TNS3: variants seen among roughly 807,000 people sequenced by gnomAD.
The protein encoded by TNS3 is tensin-3.
In TNS3, 45 loss-of-function variants were observed where a neutral mutation model predicts 140.9. The observed-to-expected ratio is 0.32, with a 90% CI of 0.25 to 0.41. The LOEUF is 0.41. Among genes scored for constraint, TNS3 ranks in the 10% least tolerant of loss-of-function variants. The pLI is 1.00. For synonymous variants in TNS3, 815 were observed against 788.4 expected, an observed-to-expected ratio of 1.03 and a Z score of -0.56; for missense variants, 1,716 against 1,906.7, an observed-to-expected ratio of 0.90 and a Z score of 1.86.
rs564645042 is a variant in TNS3, at chr7:47,352,085, G to A, written c.2282-5729C>T. On this transcript the variant is annotated intron_variant, in intron 17 of 30. Transcript: ENST00000311160. ...TTTGCACACACACTCTTACACCCACGTCACACACACCTGCATACTTCACAC... is the reference window on the plus strand; with the variant it reads ...TTTGCACACACACTCTTACACCCACATCACACACACCTGCATACTTCACAC... Among the ~76,000 whole-genome samples the A allele has an allele frequency of 8.3e-4, 113 of 136,220 alleles. 1 individual carries two copies. The highest frequency in any genetic ancestry group is 2.7e-3 in the African/African-American group (94 of 35,132). The allele number at this position is 136,220 out of a possible 152,430, so 89.4% of individuals were successfully genotyped here. A position where few individuals can be genotyped will look rare whatever the true frequency, so the allele number is the denominator to read the frequency against.
At chr7:47,331,555 A>C (rs767100809) in intron 20 of TNS3, among the ~76,000 whole-genome samples, 6 of 152,336 alleles carry the variant, frequency 3.9e-5, no homozygotes, top group Non-Finnish European at 7.4e-5. Flanking sequence ...CAGGTGACAC[A>C]TGGAGACCTG....
chr7:47,288,923 C>T (rs1245836237), intron 27 of TNS3, among the ~76,000 whole-genome samples: 5 of 152,182 alleles, frequency 3.3e-5, no homozygotes, highest in East Asian at 3.8e-4. Context: ...AGAACATGGC[C>T]GGAAACCCAT....
chr7:47,350,742 G>A (rs1408440529), intron 17 of TNS3, among the ~76,000 whole-genome samples: 1 of 152,186 alleles, frequency 6.6e-6, no homozygotes, highest in African/African-American at 2.4e-5. Flanking sequence ...CTGGCTTAGG[G>A]GATCCTACAG....
At chr7:47,348,057 C>G (rs1369408913) in intron 17 of TNS3, among the ~76,000 whole-genome samples, 1 of 152,220 alleles carries the variant, frequency 6.6e-6, no homozygotes, top group Non-Finnish European at 1.5e-5. Context: ...AGGGGACCAC[C>G]CTCACTCCAG....
chr7:47,576,161 T>G (rs955980036), intron 1 of TNS3, among the ~76,000 whole-genome samples: 1 of 152,094 alleles, frequency 6.6e-6, no homozygotes, highest in Non-Finnish European at 1.5e-5. Flanking sequence ...TCCCTCCCAG[T>G]GGATCAGATT....
intron 1 of TNS3, chr7:47,579,560 A>G (rs551047736): frequency 6.6e-6 from 1 of 152,324 alleles, no homozygotes; most frequent in South Asian, 2.1e-4. Flanking sequence ...TTCTGCCCTC[A>G]GGAAGGTGGA....
chr7:47,408,146 T>C (rs1196330112), intron 13 of TNS3, among the ~76,000 whole-genome samples: 1 of 152,080 alleles, frequency 6.6e-6, no homozygotes, highest in Admixed American at 6.5e-5. Flanking sequence ...CAGGGTGGCC[T>C]GGAGGCCATT....
intron 30 of TNS3, chr7:47,279,949 A>C (rs1043352402): frequency 9.7e-6 from 6 of 616,678 alleles, no homozygotes; most frequent in African/African-American, 5.6e-5. Flanking sequence ...ACACATGTAA[A>C]TATTGCACAT....
At chr7:47,476,484 G>A (rs1156985750) in intron 4 of TNS3, among the ~76,000 whole-genome samples, 1 of 152,150 alleles carries the variant, frequency 6.6e-6, no homozygotes. Context: ...TTCTCTCTAT[G>A]ACCCAGAAGA....
chr7:47,366,068 G>C (rs1283942264), intron 17 of TNS3, among the ~76,000 whole-genome samples: 6 of 152,172 alleles, frequency 3.9e-5, no homozygotes, highest in Non-Finnish European at 8.8e-5. Context: ...TGTTATCCAG[G>C]AGAAAAGACT....
Position 47,489,946 on chromosome 7 carries a change from A to G in TNS3, c.-114-8805T>C, listed in dbSNP as rs1797751118. 2.0e-5 allele frequency among the ~76,000 whole-genome samples: 3 copies of G among 152,240 alleles called. No individual in the cohort carries two copies. In the South Asian group the frequency reaches 6.2e-4, roughly 32 times the overall value. On this transcript the variant is annotated intron_variant, in intron 3 of 30. Coordinates refer to ENST00000311160, the MANE Select transcript of TNS3 (RefSeq NM_022748.12). ...AGAATCAGGGTCTACAGACCCCTGA[A>G]GGCCAACACTTACCACAGTCCTACG...
intron 15 of TNS3, among the ~76,000 whole-genome samples, chr7:47,398,608 G>A (rs894717487): frequency 5.9e-5 from 9 of 152,194 alleles, no homozygotes; most frequent in African/African-American, 2.2e-4. Context: ...AAAGGCATTC[G>A]ATAAAATCTA....
At chr7:47,385,862 G>A (rs551069987) in intron 16 of TNS3, among the ~76,000 whole-genome samples, 14 of 152,246 alleles carry the variant, frequency 9.2e-5, no homozygotes, top group Admixed American at 6.5e-4. Context: ...GCAATGTATG[G>A]CTACTGCTGC....
chr7:47,516,535 A>G (rs1798783428), intron 2 of TNS3, among the ~76,000 whole-genome samples: 3 of 151,856 alleles, frequency 2.0e-5, no homozygotes, highest in Admixed American at 6.6e-5. Context: ...TCTCAACTCA[A>G]TGAGCTGCAG....
chr7:47,353,873 C>A (rs1165885955), intron 17 of TNS3, among the ~76,000 whole-genome samples: 1 of 152,086 alleles, frequency 6.6e-6, no homozygotes, highest in Non-Finnish European at 1.5e-5. Flanking sequence ...AGCCTCAGGT[C>A]TCACTCCGCA....
At chr7:47,373,668 C>A (rs1489900666) in intron 16 of TNS3, among the ~76,000 whole-genome samples, 4 of 152,226 alleles carry the variant, frequency 2.6e-5, no homozygotes, top group Non-Finnish European at 5.9e-5. Flanking sequence ...AAGAACTGCA[C>A]CTTTACCCAC....
intron 23 of TNS3, among the ~76,000 whole-genome samples, chr7:47,297,890 G>A (rs1000993800): frequency 2.1e-4 from 31 of 150,858 alleles, no homozygotes; most frequent in African/African-American, 5.9e-4. Flanking sequence ...GGGTTCAAGC[G>A]ATTCTCCTGC....
intron 4 of TNS3, among the ~76,000 whole-genome samples, chr7:47,473,441 C>T (rs1367164401): frequency 6.6e-6 from 1 of 152,180 alleles, no homozygotes; most frequent in Non-Finnish European, 1.5e-5. Context: ...ATGAGACACA[C>T]AGAATCTGGA....
intron 20 of TNS3, among the ~76,000 whole-genome samples, chr7:47,319,286 T>G (rs1284316982): frequency 6.6e-6 from 1 of 152,218 alleles, no homozygotes; most frequent in Non-Finnish European, 1.5e-5. Flanking sequence ...ACCCTCACCC[T>G]GGCCTAACCA....
Sources: gnomAD v4.1 joint callset for allele counts (sites outside exome capture counted in the v4.1 genomes callset) on GRCh38, gnomAD v4.1.1 for gene constraint, MANE v1.5 for transcripts, NCBI Gene and HGNC (gene_info 2026-07-23, HGNC 2026-07-21) for gene names.